Variants in PTPRD observed in about 807,000 individuals in gnomAD.
PTPRD encodes protein tyrosine phosphatase receptor type D.
A neutral mutation model predicts 214.5 loss-of-function variants in PTPRD; 34 were observed. The observed-to-expected ratio is 0.16, with a 90% CI of 0.12 to 0.21. The LOEUF is 0.21. Ranked by LOEUF, PTPRD falls within the 10% of genes least tolerant of loss-of-function variation. PTPRD has a pLI of 1.00. For synonymous variants in PTPRD, 1,128 were observed against 845.7 expected (o/e 1.33, Z -5.79); for missense variants, 2,545 against 2,398.7 (o/e 1.06, Z -1.27).
At chr9:10,482,288 A>G (rs13297044) in intron 2 of PTPRD, among the ~76,000 whole-genome samples, 46,429 of 151,614 alleles carry the variant, frequency 0.31, 7,341 homozygotes, top group South Asian at 0.36. Context: ...GGAGAATGGC[A>G]TGAACCCGGG....
Position 8,342,013 on chromosome 9 carries a change from A to T in PTPRD, c.4662-35T>A, listed in dbSNP as rs748928665. 9.7e-6 allele frequency: 15 copies of T among 1,541,700 alleles called. No homozygotes were observed. The South Asian group carries it at 1.5e-4, about 16-fold the overall frequency. On this transcript the variant is annotated intron_variant, in intron 39 of 45. Transcript: ENST00000381196. ...AAATAGAGAAGAAAAGCCCAAATAAACCTATCAGAAAATCAATACATAATA... is the reference window on the plus strand; with the variant it reads ...AAATAGAGAAGAAAAGCCCAAATAATCCTATCAGAAAATCAATACATAATA...
At chr9:9,382,118 G>A (rs1011358157) in intron 9 of PTPRD, among the ~76,000 whole-genome samples, 1 of 151,624 alleles carries the variant, frequency 6.6e-6, no homozygotes, top group Admixed American at 6.6e-5. Flanking sequence ...TTATTCCTAA[G>A]TATTTTACTC....
intron 7 of PTPRD, among the ~76,000 whole-genome samples, chr9:9,693,250 A>C: frequency 6.6e-6 from 1 of 152,014 alleles, no homozygotes; most frequent in African/African-American, 2.4e-5. Flanking sequence ...TTGAATTGTA[A>C]TCCCCTGTGT....
intron 12 of PTPRD, 21 bp downstream of exon 12, chr9:8,733,759 G>T: frequency 6.5e-7 from 1 of 1,550,320 alleles, no homozygotes; most frequent in South Asian, 1.2e-5. Flanking sequence ...CAGCCCCCTA[G>T]AGAAGGGGAG....
At chr9:8,406,568 C>T (rs1369125780) in intron 35 of PTPRD, among the ~76,000 whole-genome samples, 4 of 151,852 alleles carry the variant, frequency 2.6e-5, no homozygotes, top group African/African-American at 4.8e-5. Context: ...ATGCAGCTTT[C>T]GTCATCTTTG....
rs150654440 is a variant in PTPRD at position 9,313,497 on chromosome 9, T to C, written c.-203+83952A>G. On this transcript the variant is annotated intron_variant, in intron 9 of 45. Transcript: ENST00000381196. ...GTTCACCCAGCAAAAGGTTGAGAGA[T>C]CCTGGTAGGAATCATCTAATGATGA... 2.0e-3 allele frequency among the ~76,000 whole-genome samples: 306 copies of C among 152,242 alleles called. 2 individuals are homozygous for C. Among genetic ancestry groups the C allele is most frequent in the African/African-American group, 6.8e-3 (281 of 41,544 alleles).
chr9:9,394,282 A>T (rs867035418), intron 9 of PTPRD, among the ~76,000 whole-genome samples: 14 of 152,176 alleles, frequency 9.2e-5, no homozygotes, highest in Non-Finnish European at 2.9e-5. Flanking sequence ...TTGTTCTAAA[A>T]ATAAGAGCTT....
At chr9:9,154,719 T>C (rs968612232) in intron 10 of PTPRD, among the ~76,000 whole-genome samples, 2 of 152,122 alleles carry the variant, frequency 1.3e-5, no homozygotes, top group Non-Finnish European at 2.9e-5. Flanking sequence ...TGCTCTCTCC[T>C]AAAACAGCAA....
intron 11 of PTPRD, among the ~76,000 whole-genome samples, chr9:8,843,725 C>T (rs2097619383): frequency 6.6e-6 from 1 of 152,132 alleles, no homozygotes; most frequent in Non-Finnish European, 1.5e-5. Flanking sequence ...CTCATCAAGG[C>T]AGATACTGTC....
At chr9:9,940,821 C>G (rs933491020) in intron 4 of PTPRD, among the ~76,000 whole-genome samples, 1 of 152,128 alleles carries the variant, frequency 6.6e-6, no homozygotes, top group Non-Finnish European at 1.5e-5. Flanking sequence ...CATTTCAACC[C>G]TGATTTGCCT....
At chr9:10,205,607 A>G (rs2099469318) in intron 3 of PTPRD, among the ~76,000 whole-genome samples, 1 of 151,898 alleles carries the variant, frequency 6.6e-6, no homozygotes, top group South Asian at 2.1e-4. Flanking sequence ...GTGTTTCCCT[A>G]TGTTGTTCAG....
chr9:9,401,083 G>A (rs529126974), intron 8 of PTPRD, among the ~76,000 whole-genome samples: 1 of 152,014 alleles, frequency 6.6e-6, no homozygotes, highest in South Asian at 2.1e-4. Flanking sequence ...GTACTAGGCA[G>A]GTGGTAGGAA....
chr9:8,579,201 C>A (rs1353252335), intron 14 of PTPRD, among the ~76,000 whole-genome samples: 2 of 152,320 alleles, frequency 1.3e-5, no homozygotes, highest in Non-Finnish European at 2.9e-5. Context: ...TGTGAAAGCA[C>A]TGCTTAAAGT....
intron 33 of PTPRD, chr9:8,454,593 T>G (rs775441774): frequency 6.2e-7 from 1 of 1,613,044 alleles, no homozygotes; most frequent in Admixed American, 1.7e-5. Flanking sequence ...TCGGGTTTAC[T>G]GCTCCATTTT....
intron 3 of PTPRD, among the ~76,000 whole-genome samples, chr9:10,219,082 T>C (rs2099554346): frequency 6.6e-6 from 1 of 151,882 alleles, no homozygotes; most frequent in African/African-American, 2.4e-5. Context: ...CTGTAACTAC[T>C]TAATCAAAGA....
intron 9 of PTPRD, among the ~76,000 whole-genome samples, chr9:9,345,573 C>G (rs1447963859): frequency 6.6e-6 from 1 of 152,090 alleles, no homozygotes; most frequent in Non-Finnish European, 1.5e-5. Flanking sequence ...ATCTATGACT[C>G]TGTTACAGAA....
At chr9:10,429,752 G>C (rs1367267135) in intron 2 of PTPRD, among the ~76,000 whole-genome samples, 1 of 151,292 alleles carries the variant, frequency 6.6e-6, no homozygotes, top group Non-Finnish European at 1.5e-5. Context: ...GGGAGTGGAA[G>C]GGGGGAGGAT....
chr9:9,296,539 C>T lies in PTPRD; in HGVS notation c.-203+100910G>A, dbSNP rs74873691. Reference sequence around the variant, plus strand: ...ATGATCATTTATTCCTCCTCCTCCTCCACCTTGGGAAAGAAATGGGGATAG... The same window carrying T: ...ATGATCATTTATTCCTCCTCCTCCTTCACCTTGGGAAAGAAATGGGGATAG... On this transcript the variant is annotated intron_variant, in intron 9 of 45. Transcript: ENST00000381196. Among the ~76,000 whole-genome samples, 69 of 151,858 alleles carry T rather than the reference C, an allele frequency of 4.5e-4. 1 individual carries two copies. The East Asian group carries it at 0.013, about 29-fold the overall frequency.
At chr9:8,838,190 C>T (rs1401981219) in intron 11 of PTPRD, among the ~76,000 whole-genome samples, 4 of 151,736 alleles carry the variant, frequency 2.6e-5, no homozygotes, top group African/African-American at 9.7e-5. Context: ...GCAAGCAAAC[C>T]AGATACCCAT....
Sources: gnomAD v4.1 joint callset for allele counts (sites outside exome capture counted in the v4.1 genomes callset) on GRCh38, gnomAD v4.1.1 for gene constraint, MANE v1.5 for transcripts, NCBI Gene and HGNC (gene_info 2026-07-23, HGNC 2026-07-21) for gene names.